TTC39C: variants seen among roughly 807,000 people sequenced by gnomAD.
The protein encoded by TTC39C is tetratricopeptide repeat domain 39C.
TTC39C carries 33 observed loss-of-function variants against 76.3 expected under a neutral mutation model. The observed-to-expected ratio is 0.43, with a 90% CI of 0.33 to 0.58. The LOEUF is 0.58. Ranked by LOEUF, TTC39C falls within the 20% of genes least tolerant of loss-of-function variation. The probability of loss-of-function intolerance (pLI) is 0.04; values close to 1 mark genes in which losing one functional copy is unlikely to be tolerated. For missense variants in TTC39C, 595 were observed against 701.4 expected (o/e 0.85, Z 1.71); for synonymous variants, 254 against 260.6 (o/e 0.97, Z 0.24).
chr18:24,098,992 A>G (rs1051496275), intron 6 of TTC39C, among the ~76,000 whole-genome samples: 6 of 138,502 alleles, frequency 4.3e-5, no homozygotes, highest in African/African-American at 1.7e-4. Flanking sequence ...TTATTTGCTA[A>G]TAAGTTAGAG....
At chr18:24,114,437 C>G in intron 6 of TTC39C, 117 bp from the exon 7 acceptor site, 1 of 750,324 alleles carries the variant, frequency 1.3e-6, no homozygotes, top group Non-Finnish European at 2.2e-6. Flanking sequence ...CCACTGTCTT[C>G]TATATTGCTT....
intron 1 of TTC39C, among the ~76,000 whole-genome samples, chr18:24,004,049 C>G (rs2083333585): frequency 6.6e-6 from 1 of 152,188 alleles, no homozygotes; most frequent in African/African-American, 2.4e-5. Flanking sequence ...CCACACCACA[C>G]CCAGCATTTT....
intron 11 of TTC39C, among the ~76,000 whole-genome samples, chr18:24,129,482 A>G (rs1382101041): frequency 6.6e-6 from 1 of 152,148 alleles, no homozygotes; most frequent in East Asian, 1.9e-4. Context: ...TGAAAGAATC[A>G]GGGTACAGTG....
chr18:24,040,242 T>C (rs1169559047), intron 1 of TTC39C, among the ~76,000 whole-genome samples: 1 of 152,216 alleles, frequency 6.6e-6, no homozygotes, highest in African/African-American at 2.4e-5. Flanking sequence ...GGCTTTCGCT[T>C]TGTGAGTTTG....
intron 1 of TTC39C, among the ~76,000 whole-genome samples, chr18:24,037,773 G>A (rs1220212284): frequency 2.6e-5 from 4 of 152,218 alleles, no homozygotes; most frequent in African/African-American, 9.6e-5. Context: ...GTAAAGGGTA[G>A]TTGGTGGCAG....
chr18:24,091,807 G>C (rs929537614), intron 6 of TTC39C, among the ~76,000 whole-genome samples: 1 of 151,878 alleles, frequency 6.6e-6, no homozygotes, highest in African/African-American at 2.4e-5. Context: ...ATGGACAATG[G>C]GGGCAGGCGC....
intron 7 of TTC39C, among the ~76,000 whole-genome samples, chr18:24,117,321 T>TG: frequency 6.6e-6 from 1 of 152,220 alleles, no homozygotes; most frequent in Middle Eastern, 3.4e-3. Context: ...TCCAGGAAGG[T>TG]GGGGTTCTTT....
At chr18:24,011,969 T>C (rs1599231095), upstream of TTC39C, among the ~76,000 whole-genome samples, 1 of 152,088 alleles carries the variant, frequency 6.6e-6, no homozygotes. Flanking sequence ...GAATCTAGAT[T>C]TTCCTTCCTT....
At chr18:24,131,646 C>T (rs1313470369) in intron 12 of TTC39C, among the ~76,000 whole-genome samples, 1 of 149,370 alleles carries the variant, frequency 6.7e-6, no homozygotes, top group Admixed American at 6.7e-5. Context: ...GCAGAGGTTG[C>T]AGTGAGCCAA....
intron 1 of TTC39C, among the ~76,000 whole-genome samples, chr18:24,060,526 T>C (rs1410954185): frequency 6.6e-6 from 1 of 152,096 alleles, no homozygotes; most frequent in South Asian, 2.1e-4. Context: ...CAGGCTGGTC[T>C]CGAACTCCTG....
chr18:24,094,616 A>T (rs188506789), intron 6 of TTC39C, among the ~76,000 whole-genome samples: 2 of 152,372 alleles, frequency 1.3e-5, no homozygotes, highest in African/African-American at 4.8e-5. Flanking sequence ...CATGAAAACA[A>T]CATTATATCT....
At chr18:24,069,329 A>C in intron 4 of TTC39C, 58 bp downstream of exon 4, 1 of 1,423,186 alleles carries the variant, frequency 7.0e-7, no homozygotes, top group Non-Finnish European at 9.9e-7. Context: ...AATTAGTAAT[A>C]TGCTTTTTTA....
At chr18:24,034,727 C>T (rs1039421329) in intron 1 of TTC39C, among the ~76,000 whole-genome samples, 4 of 152,202 alleles carry the variant, frequency 2.6e-5, no homozygotes, top group Non-Finnish European at 2.9e-5. Context: ...TGGAATCATA[C>T]AGTATTTATC....
At chr18:24,077,786 C>G (rs537961172) in intron 4 of TTC39C, among the ~76,000 whole-genome samples, 7 of 152,216 alleles carry the variant, frequency 4.6e-5, no homozygotes, top group African/African-American at 1.7e-4. Flanking sequence ...CTATTTTTTT[C>G]TGCTTTTCTG....
rs1192491724 is a variant in TTC39C, at chr18:24,024,015, TA to T, written c.167+8978del. Among the ~76,000 whole-genome samples, 71 of 21,804 alleles carry T rather than the reference TA, an allele frequency of 3.3e-3. 1 individual carries two copies. The highest frequency in any genetic ancestry group is 0.018 in the African/African-American group (70 of 3,958). 14.3% of individuals were successfully genotyped at this position (21,804 alleles called of 152,430 possible). On this transcript the variant is annotated intron_variant, in intron 1 of 13. Coordinates refer to ENST00000317571, the MANE Select transcript of TTC39C (RefSeq NM_001135993.2). ...ATATATATATATATATATATATATATATTTTTTTTTTTTTTTGAGACGGAGT... is the reference window on the plus strand; with the variant it reads ...ATATATATATATATATATATATATATTTTTTTTTTTTTTTTGAGACGGAGT...
intron 6 of TTC39C, among the ~76,000 whole-genome samples, chr18:24,101,557 CA>C (rs11298002): frequency 0.75 from 110,020 of 146,078 alleles, 41,104 homozygotes; most frequent in Middle Eastern, 0.88. Flanking sequence ...GACTCCGTCT[CA>C]AAAAAAAAAA....
intron 1 of TTC39C, among the ~76,000 whole-genome samples, chr18:24,004,979 G>A (rs932060972): frequency 3.3e-5 from 5 of 152,196 alleles, no homozygotes; most frequent in Non-Finnish European, 7.3e-5. Flanking sequence ...TCATATATGA[G>A]ATAATGTATT....
intron 1 of TTC39C, among the ~76,000 whole-genome samples, chr18:24,049,556 T>C (rs373188368): frequency 1.6e-4 from 24 of 152,066 alleles, no homozygotes; most frequent in African/African-American, 4.1e-4. Flanking sequence ...ACTGTGCGGG[T>C]GTGAGTTGTG....
intron 6 of TTC39C, among the ~76,000 whole-genome samples, chr18:24,095,046 T>C (rs2084571352): frequency 6.6e-6 from 1 of 152,274 alleles, no homozygotes; most frequent in African/African-American, 2.4e-5. Context: ...TTGTTTAGTA[T>C]AGCCTCCTTC....
Sources: allele counts gnomAD v4.1 joint callset (sites outside exome capture counted in the v4.1 genomes callset), GRCh38; gene constraint gnomAD v4.1.1; transcripts MANE v1.5; gene names NCBI Gene and HGNC (gene_info 2026-07-23, HGNC 2026-07-21).